The following SGCG variants were observed in gnomAD, a reference collection of about 807,000 sequenced individuals.
SGCG encodes sarcoglycan gamma, also known as gamma-sarcoglycan.
Under a neutral mutation model 29.3 loss-of-function variants are expected in SGCG, and 26 were observed. The ratio of observed to expected loss-of-function variants is 0.89; its 90% CI spans 0.65 to 1.23. The LOEUF (loss-of-function observed/expected upper bound fraction) is 1.23, where lower values mean the gene tolerates loss of function less well. SGCG is among the 50% of genes most tolerant of loss of function. SGCG has a pLI of 0.00. For synonymous variants in SGCG, 145 were observed against 129.7 expected (o/e 1.12, Z -0.80); for missense variants, 353 against 356.0 (o/e 0.99, Z 0.07).
intron 5 of SGCG, among the ~76,000 whole-genome samples, chr13:23,292,253 G>A (rs1881742416): frequency 6.6e-6 from 1 of 152,104 alleles, no homozygotes; most frequent in Non-Finnish European, 1.5e-5. Context: ...GGGATTACAG[G>A]CGTGCGCCAC....
At chr13:23,314,189 T>TATAG (rs1031151429) in intron 6 of SGCG, among the ~76,000 whole-genome samples, 1 of 104,762 alleles carries the variant, frequency 9.5e-6, no homozygotes, top group African/African-American at 2.9e-5. Context: ...TATATATATA[T>TATAG]AGAGAGAGAG....
At chr13:23,177,523 CG>C (rs1212349870), upstream of SGCG, among the ~76,000 whole-genome samples, 2 of 146,962 alleles carry the variant, frequency 1.4e-5, no homozygotes, top group African/African-American at 5.1e-5. Flanking sequence ...AATATGTGTC[CG>C]TTTTTTTTTA....
At chr13:23,188,493 T>C (rs1877093030) in intron 1 of SGCG, among the ~76,000 whole-genome samples, 2 of 148,502 alleles carry the variant, frequency 1.3e-5, no homozygotes, top group Non-Finnish European at 1.5e-5. Context: ...TTTTTTTTTT[T>C]TTTTTTTTTG....
chr13:23,271,423 T>A (rs1432394902), intron 4 of SGCG, among the ~76,000 whole-genome samples: 1 of 150,810 alleles, frequency 6.6e-6, no homozygotes, highest in Admixed American at 6.6e-5. Context: ...AAAAAAAAAA[T>A]TGCAAATTAA....
At chr13:23,270,533 T>G (rs924111510) in intron 4 of SGCG, among the ~76,000 whole-genome samples, 7 of 152,252 alleles carry the variant, frequency 4.6e-5, no homozygotes, top group African/African-American at 1.7e-4. Context: ...TTGTCATTTT[T>G]TATTCCTCAG....
At chr13:23,176,514 A>G (rs578198124), upstream of SGCG, among the ~76,000 whole-genome samples, 2 of 151,748 alleles carry the variant, frequency 1.3e-5, no homozygotes, top group Non-Finnish European at 1.5e-5. Context: ...TTTTTTTTAT[A>G]GTTTTTGACT....
the SGCG span, chr13:23,170,110 T>C: frequency 6.6e-6 from 1 of 152,234 alleles, no homozygotes; most frequent in African/African-American, 2.4e-5. Flanking sequence ...TTGGCTTGGA[T>C]TGAATCCTTC....
chr13:23,320,714 A>C lies in SGCG; in HGVS notation c.656A>C (p.Glu219Ala), dbSNP rs760374955. 1 of 1,612,100 alleles carries C rather than the reference A, an allele frequency of 6.2e-7. No homozygotes were observed. Among genetic ancestry groups the C allele is most frequent in the Non-Finnish European group, 8.5e-7 (1 of 1,179,218 alleles). ...VHIQAHAGKI[E>A]ALSQMDILFH... ...ATTCAAGCTCACGCTGGGAAAATTG[A>C]GGCGCTTTCTCAAATGGATATTCTT... Residue 219 changes from glutamate (E) to alanine (A), a missense_variant, in exon 7 of 8, where the codon GAG becomes GCG. Physicochemically the swap from Glu to Ala is moderately radical, Grantham distance 107. Coordinates refer to ENST00000218867, the MANE Select transcript of SGCG (RefSeq NM_000231.3).
chr13:23,165,715 C>T, the SGCG span, among the ~76,000 whole-genome samples: 41 of 151,886 alleles, frequency 2.7e-4, no homozygotes, highest in South Asian at 8.3e-4. Context: ...TTAGTAGAGA[C>T]GGGGTTTCAC....
chr13:23,181,249 A>G (rs1876723947), intron 1 of SGCG, among the ~76,000 whole-genome samples, 174 bp downstream of exon 1: 2 of 152,198 alleles, frequency 1.3e-5, no homozygotes, highest in South Asian at 4.1e-4. Flanking sequence ...TATCAATGAA[A>G]TTCTCATTTC....
At chr13:23,300,613 C>T (rs1331683921) in intron 6 of SGCG, among the ~76,000 whole-genome samples, 6 of 151,930 alleles carry the variant, frequency 3.9e-5, no homozygotes, top group East Asian at 1.9e-4. Context: ...GTTGCCTGGC[C>T]GAGGTAGAAG....
intron 2 of SGCG, among the ~76,000 whole-genome samples, chr13:23,218,635 C>G (rs1878524313): frequency 6.6e-6 from 1 of 151,928 alleles, no homozygotes; most frequent in South Asian, 2.1e-4. Context: ...CAGAGAGTGA[C>G]CAATATTTCT....
the SGCG span, among the ~76,000 whole-genome samples, chr13:23,168,929 A>AT: frequency 2.0e-5 from 3 of 152,092 alleles, no homozygotes; most frequent in Non-Finnish European, 4.4e-5. Context: ...TTGCATTGGA[A>AT]TTTCCTTTCT....
intron 3 of SGCG, chr13:23,244,306 G>T (rs1025504136): frequency 3.3e-5 from 5 of 152,100 alleles, no homozygotes; most frequent in African/African-American, 1.2e-4. Context: ...TAACACTTTT[G>T]TGCTCATAAA....
chr13:23,190,057 TATAAA>T (rs1237079254), intron 1 of SGCG, among the ~76,000 whole-genome samples: 1 of 141,488 alleles, frequency 7.1e-6, no homozygotes, highest in Admixed American at 7.4e-5. Context: ...AGAATAAAAA[TATAAA>T]ATAAACGTTT....
intron 3 of SGCG, among the ~76,000 whole-genome samples, chr13:23,239,363 CTT>C (rs1879423432): frequency 6.6e-6 from 1 of 152,104 alleles, no homozygotes; most frequent in Admixed American, 6.5e-5. Context: ...ACCTAGAACT[CTT>C]TACCTAGCAA....
intron 2 of SGCG, among the ~76,000 whole-genome samples, chr13:23,215,221 T>C (rs1012887991): frequency 6.6e-6 from 1 of 152,188 alleles, no homozygotes; most frequent in East Asian, 1.9e-4. Flanking sequence ...GGGAATATTC[T>C]TATAACAAAA....
At chr13:23,198,013 G>A (rs758363265) in intron 1 of SGCG, among the ~76,000 whole-genome samples, 2 of 152,168 alleles carry the variant, frequency 1.3e-5, no homozygotes, top group East Asian at 1.9e-4. Flanking sequence ...ACTGTTGAAA[G>A]CAAAGTGGTG....
At chr13:23,323,621 T>C (rs970473549) in intron 7 of SGCG, among the ~76,000 whole-genome samples, 2 of 152,258 alleles carry the variant, frequency 1.3e-5, no homozygotes, top group Non-Finnish European at 2.9e-5. Flanking sequence ...TACGGCTCTT[T>C]GTTTGCACTT....
Sources: gnomAD v4.1 joint callset for allele counts (sites outside exome capture counted in the v4.1 genomes callset) on GRCh38, gnomAD v4.1.1 for gene constraint, MANE v1.5 for transcripts, NCBI Gene and HGNC (gene_info 2026-07-23, HGNC 2026-07-21) for gene names.